SLC35C1: variants seen among roughly 807,000 people sequenced by gnomAD.
The protein encoded by SLC35C1 is solute carrier family 35 member C1.
Under a neutral mutation model 23.2 loss-of-function variants are expected in SLC35C1, and 8 were observed. The ratio of observed to expected loss-of-function variants is 0.35; its 90% CI spans 0.20 to 0.62. The LOEUF (loss-of-function observed/expected upper bound fraction) is 0.62, where lower values mean the gene tolerates loss of function less well. Among genes scored for constraint, SLC35C1 ranks in the 20% least tolerant of loss-of-function variants. The pLI is 0.75. For missense variants in SLC35C1, 422 were observed against 478.6 expected (o/e 0.88, Z 1.10); for synonymous variants, 226 against 225.1 (o/e 1.00, Z -0.04).
intron 1 of SLC35C1, chr11:45,810,270 C>T (rs2085924318): frequency 1.0e-6 from 1 of 985,318 alleles, no homozygotes; most frequent in South Asian, 4.7e-5. Context: ...ATGATGACAT[C>T]ATAGGCTCCC....
Position 45,811,065 on chromosome 11 carries a change from G to C in SLC35C1, c.825G>C (p.Leu275=). 2 of 1,613,204 alleles carry C rather than the reference G, an allele frequency of 1.2e-6. No homozygotes were observed. The highest frequency in any genetic ancestry group is 1.7e-6 in the Non-Finnish European group (2 of 1,180,034). Residue 275 remains leucine (L), a synonymous_variant, in exon 2 of 2, where the codon CTG becomes CTC. Transcript: ENST00000314134. The stretch of plus-strand genomic sequence containing the variant: ...GGGGGATGATGACGCTGGGCGGCCT[G>C]TTTGGCTTTGCCATCGGCTACGTGA... The part of the protein sequence containing the change: ...HFWGMMTLGG[L]FGFAIGYVTG...
chr11:45,808,854 T>C (rs2085905333), intron 1 of SLC35C1, among the ~76,000 whole-genome samples: 1 of 152,046 alleles, frequency 6.6e-6, no homozygotes, highest in Admixed American at 6.6e-5. Context: ...AATACAAAAA[T>C]TAGCCAGGCA....
intron 1 of SLC35C1, chr11:45,810,378 A>C (rs2085925314): frequency 2.0e-6 from 2 of 985,456 alleles, no homozygotes; most frequent in Non-Finnish European, 2.4e-6. Context: ...CATTCTTCAG[A>C]ACTCAGTTCA....
chr11:45,811,446 G>T lies in SLC35C1; in HGVS notation c.*111G>T. The T allele has an allele frequency of 8.0e-6, 7 of 877,148 alleles. No individual in the cohort carries two copies. In the South Asian group the frequency reaches 1.4e-4, roughly 17 times the overall value. The allele number at this position is 877,148 out of a possible 1,614,324, so 54.3% of individuals were successfully genotyped here. A position where few individuals can be genotyped will look rare whatever the true frequency, so the allele number is the denominator to read the frequency against. On this transcript the variant is annotated 3_prime_UTR_variant, in exon 2 of 2. Transcript: ENST00000314134. ...CAGAAGCGTGCTGTGGTGTGGACTG[G>T]GTGCTACTTATAGACCCAATCAGAA...
chr11:45,809,557 C>T (rs1309140061), intron 1 of SLC35C1, among the ~76,000 whole-genome samples: 1 of 152,154 alleles, frequency 6.6e-6, no homozygotes, highest in Admixed American at 6.5e-5. Flanking sequence ...GGCTTCACAC[C>T]AGGGCACAGC....
Position 45,810,796 on chromosome 11 carries a change from G to C in SLC35C1, c.556G>C (p.Asp186His). The change falls in exon 2 of 2, where the codon GAC becomes CAC. Residue 186 changes from aspartate to histidine, a missense_variant. Transcript: ENST00000314134. ...TGCAGGGGGCTTCTGGCTTGGTGTGGACCAGGAGGGGGCAGAAGGCACCCT... is the reference window on the plus strand; with the variant it reads ...TGCAGGGGGCTTCTGGCTTGGTGTGCACCAGGAGGGGGCAGAAGGCACCCT... ...IIIGGFWLGV[D>H]QEGAEGTLSW... is the part of the protein sequence containing the mutation. The C allele has an allele frequency of 1.2e-6, 2 of 1,612,676 alleles. No homozygotes were observed. Among genetic ancestry groups the C allele is most frequent in the Non-Finnish European group, 1.7e-6 (2 of 1,179,866 alleles).
chr11:45,808,762 G>A (rs961089066), intron 1 of SLC35C1, among the ~76,000 whole-genome samples: 2 of 152,168 alleles, frequency 1.3e-5, no homozygotes, highest in Admixed American at 6.5e-5. Flanking sequence ...CAGCACTTGG[G>A]GAGGCTGAGG....
rs1249973329 is a variant in SLC35C1 at position 45,805,551 on chromosome 11, A to C, written c.-251A>C. The C allele has an allele frequency of 7.0e-7, 1 of 1,419,236 alleles. No individual in the cohort carries two copies. Among genetic ancestry groups the C allele is most frequent in the Non-Finnish European group, 9.2e-7 (1 of 1,086,852 alleles). The allele number at this position is 1,419,236 out of a possible 1,614,324, so 87.9% of individuals were successfully genotyped here. A position where few individuals can be genotyped will look rare whatever the true frequency, so the allele number is the denominator to read the frequency against. The stretch of plus-strand genomic sequence containing the variant: ...TGTCCTGGCCTCACCGCCTTATCCT[A>C]TTCCTCTCCCTTGCCCTGTGTCTTG... On this transcript the variant is annotated 5_prime_UTR_variant, in exon 1 of 2. Transcript: ENST00000314134.
At position 45,805,626 on chromosome 11, in the gene SLC35C1, G is replaced by A. The variant is rs1414549518; in HGVS notation, c.-176G>A. The A allele has an allele frequency of 8.1e-6, 12 of 1,489,118 alleles. No homozygotes were observed. The highest frequency in any genetic ancestry group is 1.4e-5 in the African/African-American group (1 of 72,006). The allele number at this position is 1,489,118 out of a possible 1,614,324, so 92.2% of individuals were successfully genotyped here. On this transcript the variant is annotated 5_prime_UTR_variant, in exon 1 of 2. Coordinates refer to ENST00000314134, the MANE Select transcript of SLC35C1 (RefSeq NM_018389.5). ...GTAGGTTGTGGAGCAGCACAACTGG[G>A]CTCACCCCAAAGCAGAACTTCTCAA...
At chr11:45,809,132 G>A (rs116217045) in intron 1 of SLC35C1, among the ~76,000 whole-genome samples, 35 of 152,322 alleles carry the variant, frequency 2.3e-4, no homozygotes, top group African/African-American at 8.4e-4. Context: ...AGTAATTGGT[G>A]GCTAAACACA....
chr11:45,804,900 G>T (rs1005594668), upstream of SLC35C1: 17 of 985,550 alleles, frequency 1.7e-5, no homozygotes, highest in Non-Finnish European at 4.8e-6. Flanking sequence ...CGGAGCTGAG[G>T]GTGGGCAGGC....
chr11:45,805,543 C>G lies in SLC35C1; in HGVS notation c.-259C>G, dbSNP rs1047069608. 1.8e-5 allele frequency: 25 copies of G among 1,414,980 alleles called. No individual in the cohort carries two copies. The African/African-American group carries it at 3.3e-4, about 19-fold the overall frequency. The allele number at this position is 1,414,980 out of a possible 1,614,324, so 87.7% of individuals were successfully genotyped here. The stretch of plus-strand genomic sequence containing the variant: ...GTCTTCTCTGTCCTGGCCTCACCGC[C>G]TTATCCTATTCCTCTCCCTTGCCCT... On this transcript the variant is annotated 5_prime_UTR_variant, in exon 1 of 2. Transcript: ENST00000314134.
At chr11:45,810,630 G>A in intron 1 of SLC35C1, 146 bp from the exon 2 acceptor site, 2 of 1,443,060 alleles carry the variant, frequency 1.4e-6, no homozygotes, top group Admixed American at 2.6e-5. Flanking sequence ...GACTCTGGCT[G>A]TGCTTATTGG....
At chr11:45,810,126 G>A in intron 1 of SLC35C1, 1 of 985,430 alleles carries the variant, frequency 1.0e-6, no homozygotes, top group Non-Finnish European at 1.2e-6. Flanking sequence ...ACCCCCGCCT[G>A]CCACGCCAAG....
intron 1 of SLC35C1, 75 bp from the exon 2 acceptor site, chr11:45,810,701 G>T: frequency 6.5e-7 from 1 of 1,540,642 alleles, no homozygotes; most frequent in Non-Finnish European, 8.7e-7. Context: ...TTTGGTGTCT[G>T]ATCCTCTGTC....
Position 45,811,261 on chromosome 11 carries a change from A to C in SLC35C1, c.1021A>C (p.Arg341=). Reference sequence around the variant, plus strand: ...CGGCTCCTCCGCCTACACCTGGGTCAGGGGCTGGGAGATGAAGAAGACTCC... The same window carrying C: ...CGGCTCCTCCGCCTACACCTGGGTCCGGGGCTGGGAGATGAAGAAGACTCC... The part of the protein sequence containing the change: ...LGGSSAYTWV[R]GWEMKKTPEE... The change falls in exon 2 of 2, where the codon AGG becomes CGG. Residue 341 remains arginine, a synonymous_variant. Transcript: ENST00000314134. 1 of 1,586,660 alleles carries C rather than the reference A, an allele frequency of 6.3e-7. No individual in the cohort carries two copies. The highest frequency in any genetic ancestry group is 1.7e-5 in the Admixed American group (1 of 57,494).
chr11:45,811,215 G>T lies in SLC35C1; in HGVS notation c.975G>T (p.Thr325=). Reference sequence around the variant, plus strand: ...AGACCAAGAGCTTCCTCTGGTGGACGAGCAACATGATGGTGCTGGGCGGCT... The same window carrying T: ...AGACCAAGAGCTTCCTCTGGTGGACTAGCAACATGATGGTGCTGGGCGGCT... ...YEETKSFLWW[T]SNMMVLGGSS... Residue 325 remains threonine (T), a synonymous_variant, in exon 2 of 2, where the codon ACG becomes ACT. Coordinates refer to ENST00000314134, the MANE Select transcript of SLC35C1 (RefSeq NM_018389.5). The T allele has an allele frequency of 6.2e-7, 1 of 1,609,492 alleles. No individual in the cohort carries two copies. Among genetic ancestry groups the T allele is most frequent in the South Asian group, 1.1e-5 (1 of 91,048 alleles).
At position 45,806,015 on chromosome 11, in the gene SLC35C1, A is replaced by C. The variant is rs1260909471; in HGVS notation, c.214A>C (p.Thr72Pro). The C allele has an allele frequency of 6.2e-7, 1 of 1,613,588 alleles. No homozygotes were observed. The highest frequency in any genetic ancestry group is 1.7e-5 in the Admixed American group (1 of 59,984). Residue 72 changes from threonine (T) to proline (P), a missense_variant, in exon 1 of 2, where the codon ACC (threonine) becomes CCC (proline). Physicochemically the swap from Thr to Pro is conservative, Grantham distance 38 (BLOSUM62 -1). Coordinates refer to ENST00000314134, the MANE Select transcript of SLC35C1 (RefSeq NM_018389.5). ...GGACAGCCCCTCCCTGCGGCTGGAC[A>C]CCCCCATCTTCGTCACCTTCTACCA... ...LLDSPSLRLDTPIFVTFYQCL... is the reference protein window; with the variant it reads ...LLDSPSLRLDPPIFVTFYQCL...
In SLC35C1 at chr11:45,810,849, G is replaced by T. The variant is rs1042813855; in HGVS notation, c.609G>T (p.Val203=). ...TLSWLGTVFG[V]LASLCVSLNA... ...CGTGGCTGGGCACCGTCTTCGGCGT[G>T]CTGGCTAGCCTCTGTGTCTCGCTCA... Residue 203 remains valine, a synonymous_variant, in exon 2 of 2, where the codon GTG becomes GTT. Transcript: ENST00000314134. 6.2e-7 allele frequency: 1 copy of T among 1,612,308 alleles called. No homozygotes were observed. The highest frequency in any genetic ancestry group is 8.5e-7 in the Non-Finnish European group (1 of 1,180,026).
Sources: allele counts gnomAD v4.1 joint callset (sites outside exome capture counted in the v4.1 genomes callset), GRCh38; gene constraint gnomAD v4.1.1; transcripts MANE v1.5; gene names NCBI Gene and HGNC (gene_info 2026-07-23, HGNC 2026-07-21).